NMUR2: variants seen among roughly 807,000 people sequenced by gnomAD.
NMUR2 encodes neuromedin-U receptor 2.
A neutral mutation model predicts 25.1 loss-of-function variants in NMUR2; 24 were observed. The ratio of observed to expected loss-of-function variants is 0.96; its 90% CI spans 0.69 to 1.34. NMUR2 has a LOEUF of 1.34. Among genes scored for constraint, NMUR2 ranks in the 40% most tolerant of loss-of-function variants. The pLI, the probability that NMUR2 is intolerant of heterozygous loss-of-function variation, is 0.00. For missense variants in NMUR2, 533 were observed against 512.8 expected, an observed-to-expected ratio of 1.04 and a Z score of -0.38; for synonymous variants, 218 against 208.1, an observed-to-expected ratio of 1.05 and a Z score of -0.41.
chr5:152,404,806 A>G lies in NMUR2; in HGVS notation c.308T>C (p.Val103Ala), dbSNP rs1465341117. ...AGGGTAGTTGCGCCACATCTCATAG[A>G]CCTCCAGGGGCATTCCAAGGAGCAG... ...LVLLLGMPLE[V>A]YEMWRNYPFL... is the part of the protein sequence containing the mutation. The change falls in exon 1 of 4, where the codon GTC becomes GCC. Residue 103 changes from valine to alanine, a missense_variant. Coordinates refer to ENST00000255262, the MANE Select transcript of NMUR2 (RefSeq NM_020167.5). 1.2e-6 allele frequency: 2 copies of G among 1,613,940 alleles called. No individual in the cohort carries two copies. The highest frequency in any genetic ancestry group is 2.2e-5 in the East Asian group (1 of 44,838).
chr5:152,402,146 C>CCTA (rs1434203720), intron 1 of NMUR2, among the ~76,000 whole-genome samples: 10 of 151,978 alleles, frequency 6.6e-5, no homozygotes, highest in African/African-American at 2.4e-4. Context: ...GCCATGAGTA[C>CCTA]CTACAACAGG....
intron 2 of NMUR2, among the ~76,000 whole-genome samples, chr5:152,397,117 G>A (rs1231343310): frequency 1.3e-5 from 2 of 150,446 alleles, no homozygotes; most frequent in African/African-American, 2.4e-5. Flanking sequence ...GTGCCAAGAG[G>A]AGCTAAAATA....
Position 152,395,507 on chromosome 5 carries a change from A to T in NMUR2, c.889T>A (p.Trp297Arg). The T allele has an allele frequency of 6.2e-7, 1 of 1,613,526 alleles. No homozygotes were observed. The highest frequency in any genetic ancestry group is 8.5e-7 in the Non-Finnish European group (1 of 1,179,772). The change falls in exon 3 of 4, where the codon TGG becomes AGG. Residue 297 changes from tryptophan to arginine, a missense_variant. Transcript: ENST00000255262. The part of the protein sequence containing the change: ...DRLFFSFVEE[W>R]SESLAAVFNL... The stretch of plus-strand genomic sequence containing the variant: ...AACACAGCAGCCAGGGATTCACTCC[A>T]CTCCTCCACAAAGCTGAAGAAGAGT...
At chr5:152,404,257 C>T in intron 1 of NMUR2, 131 bp downstream of exon 1, 1 of 1,073,144 alleles carries the variant, frequency 9.3e-7, no homozygotes, top group Non-Finnish European at 1.3e-6. Context: ...AATTTCCCAT[C>T]TGAGCTCATT....
At chr5:152,403,063 A>G (rs569937142) in intron 1 of NMUR2, among the ~76,000 whole-genome samples, 9 of 152,366 alleles carry the variant, frequency 5.9e-5, no homozygotes, top group African/African-American at 2.2e-4. Flanking sequence ...TGTCAGAGCC[A>G]TCTCAAAGCA....
intron 1 of NMUR2, among the ~76,000 whole-genome samples, chr5:152,398,766 A>C (rs1193131745): frequency 6.6e-6 from 1 of 152,152 alleles, no homozygotes; most frequent in African/African-American, 2.4e-5. Context: ...TTTTCCCCCA[A>C]CCCTTTTCAG....
intron 1 of NMUR2, among the ~76,000 whole-genome samples, chr5:152,399,679 T>G (rs1177816018): frequency 6.6e-6 from 1 of 152,090 alleles, no homozygotes; most frequent in Admixed American, 6.6e-5. Context: ...TATAATAAGA[T>G]CGTGTGTTTT....
chr5:152,403,397 T>C (rs747429888), intron 1 of NMUR2, among the ~76,000 whole-genome samples: 11 of 152,156 alleles, frequency 7.2e-5, no homozygotes, highest in Non-Finnish European at 1.2e-4. Flanking sequence ...CTTCATGAAT[T>C]TGGGTGCAGA....
chr5:152,395,577 C>T lies in NMUR2; in HGVS notation c.819G>A (p.Leu273=), dbSNP rs1753134271. 1 of 1,613,162 alleles carries T rather than the reference C, an allele frequency of 6.2e-7. No individual in the cohort carries two copies. Among genetic ancestry groups the T allele is most frequent in the East Asian group, 2.2e-5 (1 of 44,852 alleles). ...CCCAACAGATAGCAAACACTAAGACCAAGACAACTGAAAATGGATGATAAA... is the reference window on the plus strand; with the variant it reads ...CCCAACAGATAGCAAACACTAAGACTAAGACAACTGAAAATGGATGATAAA... ...RKSVNKMLFV[L]VLVFAICWAP... Residue 273 remains leucine (L), a synonymous_variant, in exon 3 of 4, where the codon TTG becomes TTA. Coordinates refer to ENST00000255262, the MANE Select transcript of NMUR2 (RefSeq NM_020167.5).
chr5:152,402,187 C>T (rs540754111), intron 1 of NMUR2, among the ~76,000 whole-genome samples: 1 of 152,198 alleles, frequency 6.6e-6, no homozygotes, highest in East Asian at 1.9e-4. Context: ...TCTGGGAGAG[C>T]TTCCCTGAGG....
intron 2 of NMUR2, among the ~76,000 whole-genome samples, chr5:152,396,567 C>T (rs1173588131): frequency 2.0e-5 from 3 of 152,082 alleles, no homozygotes; most frequent in African/African-American, 7.2e-5. Flanking sequence ...CAAGAAAAGT[C>T]CCTAATCTGT....
chr5:152,394,161 G>T (rs1003922507), intron 3 of NMUR2, among the ~76,000 whole-genome samples: 3 of 152,088 alleles, frequency 2.0e-5, no homozygotes, highest in African/African-American at 7.2e-5. Context: ...AGTCTCATTT[G>T]ACCTTGTAGT....
intron 3 of NMUR2, among the ~76,000 whole-genome samples, chr5:152,393,330 G>A (rs1484469891): frequency 2.0e-5 from 3 of 152,128 alleles, no homozygotes; most frequent in African/African-American, 7.2e-5. Flanking sequence ...CATCCACAGA[G>A]AGGTTGAGAA....
chr5:152,402,635 A>G (rs1283630902), intron 1 of NMUR2, among the ~76,000 whole-genome samples: 1 of 152,130 alleles, frequency 6.6e-6, no homozygotes, highest in Non-Finnish European at 1.5e-5. Context: ...AAAGTTAAAT[A>G]TTTTTCCCAA....
intron 1 of NMUR2, among the ~76,000 whole-genome samples, chr5:152,404,160 G>A (rs1753306944): frequency 6.6e-6 from 1 of 152,086 alleles, no homozygotes; most frequent in South Asian, 2.1e-4. Flanking sequence ...AAGAATAGAG[G>A]GAAGAAAAAT....
intron 1 of NMUR2, among the ~76,000 whole-genome samples, chr5:152,400,367 T>A (rs1239397279): frequency 6.6e-6 from 1 of 152,214 alleles, no homozygotes; most frequent in Non-Finnish European, 1.5e-5. Context: ...GCCTGGCACA[T>A]GATACTCAGC....
chr5:152,401,812 T>C (rs1192105719), intron 1 of NMUR2, among the ~76,000 whole-genome samples: 2 of 147,404 alleles, frequency 1.4e-5, no homozygotes, highest in Non-Finnish European at 3.1e-5. Flanking sequence ...TGAGCACAGA[T>C]ATGGGTTTCC....
At chr5:152,398,558 C>T (rs1407933016) in intron 1 of NMUR2, among the ~76,000 whole-genome samples, 1 of 152,076 alleles carries the variant, frequency 6.6e-6, no homozygotes, top group Non-Finnish European at 1.5e-5. Flanking sequence ...TAGTAGAAAA[C>T]CAAAACAGGA....
Position 152,405,171 on chromosome 5 carries a change from A to T in NMUR2, c.-58T>A. 8.3e-5 allele frequency: 19 copies of T among 227,554 alleles called. No homozygotes were observed. Among genetic ancestry groups the T allele is most frequent in the Non-Finnish European group, 1.2e-4 (17 of 141,568 alleles). 14.1% of individuals were successfully genotyped at this position (227,554 alleles called of 1,614,324 possible). A position where few individuals can be genotyped will look rare whatever the true frequency, so the allele number is the denominator to read the frequency against. On this transcript the variant is annotated 5_prime_UTR_variant, in exon 1 of 4. Transcript: ENST00000255262. ...AGGCTCTGTTTCAAGCTGAGCCAGG[A>T]AAAAAAAAAAAAAAAGAAAAAAGGA...
Sources: gnomAD v4.1 joint callset for allele counts (sites outside exome capture counted in the v4.1 genomes callset) on GRCh38, gnomAD v4.1.1 for gene constraint, MANE v1.5 for transcripts, NCBI Gene and HGNC (gene_info 2026-07-23, HGNC 2026-07-21) for gene names.